Variants in FBXL17 observed in about 807,000 individuals in gnomAD.
The protein encoded by FBXL17 is F-box and leucine rich repeat protein 17.
Under a neutral mutation model 66.2 loss-of-function variants are expected in FBXL17, and 22 were observed. The ratio of observed to expected loss-of-function variants is 0.33; its 90% CI spans 0.24 to 0.47. FBXL17 has a LOEUF of 0.47. Among genes scored for constraint, FBXL17 ranks in the 20% least tolerant of loss-of-function variants. The pLI, the probability that FBXL17 is intolerant of heterozygous loss-of-function variation, is 1.00. For synonymous variants in FBXL17, 474 were observed against 400.5 expected, an observed-to-expected ratio of 1.18 and a Z score of -2.19; for missense variants, 878 against 948.2, an observed-to-expected ratio of 0.93 and a Z score of 0.97.
At chr5:107,946,875 A>G (rs951373796) in intron 7 of FBXL17, among the ~76,000 whole-genome samples, 1 of 152,210 alleles carries the variant, frequency 6.6e-6, no homozygotes, top group Non-Finnish European at 1.5e-5. Flanking sequence ...CTTAGCAATT[A>G]GCAGGAATGG....
intron 3 of FBXL17, among the ~76,000 whole-genome samples, chr5:108,358,427 A>T (rs1263888266): frequency 6.6e-6 from 1 of 152,102 alleles, no homozygotes; most frequent in Non-Finnish European, 1.5e-5. Context: ...ATGCTTTTGC[A>T]CACCAATTAA....
chr5:107,923,726 T>G (rs1750401469), intron 7 of FBXL17, among the ~76,000 whole-genome samples: 1 of 152,198 alleles, frequency 6.6e-6, no homozygotes, highest in Non-Finnish European at 1.5e-5. Context: ...TACATTCATT[T>G]TCAAGGGCAC....
At chr5:108,014,573 C>T (rs75553434) in intron 7 of FBXL17, among the ~76,000 whole-genome samples, 2,159 of 152,244 alleles carry the variant, frequency 0.014, 25 homozygotes, top group Non-Finnish European at 0.021. Context: ...GTTGTCACTG[C>T]TCAGTCTTTT....
intron 7 of FBXL17, among the ~76,000 whole-genome samples, chr5:108,017,880 T>C (rs1007788329): frequency 6.6e-6 from 1 of 152,192 alleles, no homozygotes; most frequent in Non-Finnish European, 1.5e-5. Flanking sequence ...GATCGTTTTC[T>C]TTATGACAAC....
chr5:108,187,302 G>T (rs1422051360), intron 5 of FBXL17, among the ~76,000 whole-genome samples: 1 of 152,102 alleles, frequency 6.6e-6, no homozygotes, highest in African/African-American at 2.4e-5. Context: ...AACTTAATCT[G>T]GAGGCATATG....
chr5:108,380,999 CCCTCCCCCGCCACCGCCGCCG>C lies in FBXL17; in HGVS notation c.672_692del (p.Gly225_Gly231del). 1.7e-6 allele frequency: 2 copies of C among 1,198,932 alleles called. No homozygotes were observed. Among genetic ancestry groups the C allele is most frequent in the Non-Finnish European group, 2.1e-6 (2 of 966,730 alleles). 74.3% of individuals were successfully genotyped at this position (1,198,932 alleles called of 1,614,324 possible). A position where few individuals can be genotyped will look rare whatever the true frequency, so the allele number is the denominator to read the frequency against. ...GCGGCGAAGCGCCTCCCCCCGCAGG[CCCTCCCCCGCCACCGCCGCCG>C]CCGCCGCCGCCGCAGCCCCCGCCGC... On this transcript the variant is annotated inframe_deletion, in exon 1 of 9. Transcript: ENST00000542267.
intron 4 of FBXL17, among the ~76,000 whole-genome samples, chr5:108,253,568 A>C (rs1466250892): frequency 6.6e-6 from 1 of 152,130 alleles, no homozygotes; most frequent in Non-Finnish European, 1.5e-5. Flanking sequence ...ATTAGCTTAC[A>C]TCCTGCCACC....
chr5:108,349,354 T>C (rs939651268), intron 3 of FBXL17, among the ~76,000 whole-genome samples: 9 of 152,170 alleles, frequency 5.9e-5, no homozygotes, highest in African/African-American at 1.7e-4. Context: ...TAATTCTGAT[T>C]AGCGCATGAG....
intron 7 of FBXL17, among the ~76,000 whole-genome samples, chr5:107,974,269 G>T (rs949585219): frequency 6.6e-6 from 1 of 152,082 alleles, no homozygotes; most frequent in African/African-American, 2.4e-5. Flanking sequence ...AACAACGTAC[G>T]TACTGAGTAA....
intron 4 of FBXL17, among the ~76,000 whole-genome samples, chr5:108,227,652 C>G (rs1390476309): frequency 6.6e-6 from 1 of 152,150 alleles, no homozygotes; most frequent in Non-Finnish European, 1.5e-5. Context: ...AATGCTAAAA[C>G]AATCATAAGA....
At chr5:108,264,213 T>TAAAA (rs1756953642) in intron 4 of FBXL17, among the ~76,000 whole-genome samples, 1 of 19,136 alleles carries the variant, frequency 5.2e-5, no homozygotes, top group African/African-American at 2.0e-4. Context: ...AGACTCTTTC[T>TAAAA]CAAAAAAAAA....
At chr5:108,084,274 G>A (rs286783) in intron 6 of FBXL17, among the ~76,000 whole-genome samples, 110,295 of 152,104 alleles carry the variant, frequency 0.73, 40,376 homozygotes, top group East Asian at 0.93. Context: ...TGCTGCTTGT[G>A]TACGGTCTCT....
At chr5:108,261,350 A>G (rs1322341300) in intron 4 of FBXL17, among the ~76,000 whole-genome samples, 1 of 152,150 alleles carries the variant, frequency 6.6e-6, no homozygotes, top group Non-Finnish European at 1.5e-5. Flanking sequence ...AAGATCTCAG[A>G]ATGGAAAAAT....
rs1164000946 is a variant in FBXL17, at chr5:108,179,890, C to A, written c.1745+6227G>T. Among the ~76,000 whole-genome samples the A allele has an allele frequency of 4.6e-5, 7 of 152,092 alleles. No individual in the cohort carries two copies. The East Asian group carries it at 1.4e-3, about 29-fold the overall frequency. On this transcript the variant is annotated intron_variant, in intron 6 of 8. Coordinates refer to ENST00000542267, the MANE Select transcript of FBXL17 (RefSeq NM_001163315.3). ...ATTTAAATATGAAATATCTAAAATT[C>A]TCTGCATCTCAATTTTAAGGAAGGA...
At chr5:108,338,991 A>C (rs1368487688) in intron 4 of FBXL17, among the ~76,000 whole-genome samples, 4 of 152,216 alleles carry the variant, frequency 2.6e-5, no homozygotes, top group Non-Finnish European at 5.9e-5. Flanking sequence ...CAAAGGCCCA[A>C]GTGCCATAGG....
chr5:108,176,822 T>C (rs1752809999), intron 6 of FBXL17, among the ~76,000 whole-genome samples: 1 of 152,138 alleles, frequency 6.6e-6, no homozygotes, highest in Non-Finnish European at 1.5e-5. Context: ...AAAAAGTTTA[T>C]TTAAATTTGA....
intron 4 of FBXL17, among the ~76,000 whole-genome samples, chr5:108,251,681 T>G (rs1361972094): frequency 1.3e-5 from 2 of 152,074 alleles, no homozygotes; most frequent in South Asian, 4.1e-4. Flanking sequence ...GCTATAATCA[T>G]AGACAATTTG....
chr5:108,008,228 T>G (rs894997352), intron 7 of FBXL17, among the ~76,000 whole-genome samples: 6 of 152,278 alleles, frequency 3.9e-5, no homozygotes, highest in African/African-American at 1.2e-4. Flanking sequence ...CGCTTAAAAT[T>G]TTGTCAGGGT....
chr5:107,927,194 T>C (rs988441780), intron 7 of FBXL17, among the ~76,000 whole-genome samples: 7 of 152,158 alleles, frequency 4.6e-5, no homozygotes, highest in Admixed American at 3.3e-4. Context: ...TCTATTTTGG[T>C]GAACTAGCCA....
Sources: gnomAD v4.1 joint callset for allele counts (sites outside exome capture counted in the v4.1 genomes callset) on GRCh38, gnomAD v4.1.1 for gene constraint, MANE v1.5 for transcripts, NCBI Gene and HGNC (gene_info 2026-07-23, HGNC 2026-07-21) for gene names.